The following FNDC3B variants were observed in gnomAD, a reference collection of about 807,000 sequenced individuals.
FNDC3B encodes the protein fibronectin type III domain containing 3B.
Under a neutral mutation model 151.5 loss-of-function variants are expected in FNDC3B, and 12 were observed. That is an observed-to-expected ratio of 0.08 (90% CI 0.05 to 0.13). FNDC3B has a LOEUF of 0.13. Ranked by LOEUF, FNDC3B falls within the 10% of genes least tolerant of loss-of-function variation. FNDC3B has a pLI of 1.00. For synonymous variants in FNDC3B, 528 were observed against 549.0 expected (o/e 0.96, Z 0.54); for missense variants, 1,214 against 1,505.3 (o/e 0.81, Z 3.20).
chr3:172,217,519 A>G (rs1408537281), intron 3 of FNDC3B, among the ~76,000 whole-genome samples: 2 of 151,368 alleles, frequency 1.3e-5, no homozygotes, highest in South Asian at 2.1e-4. Context: ...TTGTTTATGT[A>G]TGTGTTATAA....
rs972574075 is a variant in FNDC3B, at chr3:172,343,096, A to G, written c.2057A>G (p.Lys686Arg). Reference sequence around the variant, plus strand: ...AGGGTTTTGGGTAGACCAAAGCACAAAGAAGTCCACTTAGAGTGGGGTGAG... The same window carrying G: ...AGGGTTTTGGGTAGACCAAAGCACAGAGAAGTCCACTTAGAGTGGGGTGAG... ...PPRVLGRPKHKEVHLEWDVPA... is the reference protein window; with the variant it reads ...PPRVLGRPKHREVHLEWDVPA... The change falls in exon 18 of 26, where the codon AAA becomes AGA. Residue 686 changes from lysine (K) to arginine (R), a missense_variant. Around this residue, in one of 7 missense-constraint regions of FNDC3B, gnomAD observed 380 missense variants for 420.9 expected, o/e 0.90. Transcript: ENST00000415807. 3 of 1,604,740 alleles carry G rather than the reference A, an allele frequency of 1.9e-6. No individual in the cohort carries two copies. Among genetic ancestry groups the G allele is most frequent in the Middle Eastern group, 1.7e-4 (1 of 6,044 alleles).
chr3:172,143,677 G>A (rs931033852), intron 3 of FNDC3B, among the ~76,000 whole-genome samples: 2 of 152,042 alleles, frequency 1.3e-5, no homozygotes. Context: ...TTGGGAGGCC[G>A]AGGCGGGCGG....
At chr3:172,238,651 C>G (rs945471424) in intron 4 of FNDC3B, among the ~76,000 whole-genome samples, 3 of 152,124 alleles carry the variant, frequency 2.0e-5, no homozygotes, top group African/African-American at 7.2e-5. Flanking sequence ...CCTTACGTTT[C>G]AAATCTCTAC....
chr3:172,157,589 C>T (rs1722557917), intron 3 of FNDC3B, among the ~76,000 whole-genome samples: 1 of 152,192 alleles, frequency 6.6e-6, no homozygotes, highest in Admixed American at 6.5e-5. Flanking sequence ...AGTAACCACC[C>T]ATCTGTTCTC....
chr3:172,181,395 C>CAAAAAAA lies in FNDC3B; in HGVS notation c.188-45463_188-45457dup, dbSNP rs755223783. Reference sequence around the variant, plus strand: ...GGGTGCCAGAGTGAGACTCTGTCTCCAAAAAAAAAAAAAAAAAAACAAAAA... The same window carrying CAAAAAAA: ...GGGTGCCAGAGTGAGACTCTGTCTCCAAAAAAAAAAAAAAAAAAAAAAAAAACAAAAA... On this transcript the variant is annotated intron_variant, in intron 3 of 25. Coordinates refer to ENST00000415807, the MANE Select transcript of FNDC3B (RefSeq NM_022763.4). Among the ~76,000 whole-genome samples the CAAAAAAA allele has an allele frequency of 4.3e-4, 31 of 71,524 alleles. 1 individual carries two copies. Among genetic ancestry groups the CAAAAAAA allele is most frequent in the African/African-American group, 1.9e-3 (30 of 16,030 alleles). 46.9% of individuals were successfully genotyped at this position (71,524 alleles called of 152,430 possible). A position where few individuals can be genotyped will look rare whatever the true frequency, so the allele number is the denominator to read the frequency against.
At chr3:172,346,520 C>T in intron 20 of FNDC3B, 80 bp downstream of exon 20, 1 of 791,524 alleles carries the variant, frequency 1.3e-6, no homozygotes, top group Non-Finnish European at 2.1e-6. Context: ...AAGGAAGCTG[C>T]AAATCCAAAA....
intron 2 of FNDC3B, among the ~76,000 whole-genome samples, chr3:172,117,942 A>G (rs1037768531): frequency 1.3e-5 from 2 of 152,236 alleles, no homozygotes; most frequent in South Asian, 4.1e-4. Context: ...ATAATTTATC[A>G]TCTACTTGCC....
chr3:172,093,258 T>C (rs556410799), intron 1 of FNDC3B, among the ~76,000 whole-genome samples: 18 of 150,288 alleles, frequency 1.2e-4, no homozygotes, highest in Non-Finnish European at 2.4e-4. Context: ...CCCACCCAGC[T>C]AATTTTTTTT....
chr3:172,373,578 C>T (rs978213114), intron 23 of FNDC3B, among the ~76,000 whole-genome samples: 2 of 152,140 alleles, frequency 1.3e-5, no homozygotes, highest in Non-Finnish European at 2.9e-5. Context: ...CACAAAAGGC[C>T]TCTGGCTTAC....
intron 1 of FNDC3B, among the ~76,000 whole-genome samples, chr3:172,109,191 A>C (rs1029092256): frequency 2.3e-5 from 3 of 128,384 alleles, no homozygotes; most frequent in African/African-American, 9.6e-5. Context: ...TTTGAGACGG[A>C]GTCTTGCTCT....
intron 7 of FNDC3B, among the ~76,000 whole-genome samples, chr3:172,293,478 A>G (rs1385812252): frequency 6.6e-6 from 1 of 152,218 alleles, no homozygotes; most frequent in African/African-American, 2.4e-5. Flanking sequence ...TTATTCAACA[A>G]ACATTTACTA....
chr3:172,204,976 A>T (rs761834237), intron 3 of FNDC3B, among the ~76,000 whole-genome samples: 2 of 152,188 alleles, frequency 1.3e-5, no homozygotes, highest in Admixed American at 1.3e-4. Flanking sequence ...TTCACTCGGC[A>T]TTGTAGTGGA....
intron 21 of FNDC3B, among the ~76,000 whole-genome samples, chr3:172,349,300 T>A (rs1319298204): frequency 6.6e-6 from 1 of 152,148 alleles, no homozygotes. Context: ...AAATTTATTA[T>A]AATACCTGTA....
chr3:172,216,488 G>A (rs1725981463), intron 3 of FNDC3B, among the ~76,000 whole-genome samples: 1 of 152,016 alleles, frequency 6.6e-6, no homozygotes, highest in African/African-American at 2.4e-5. Context: ...GCAACATTGT[G>A]AGACCACATC....
intron 3 of FNDC3B, among the ~76,000 whole-genome samples, chr3:172,183,767 T>C (rs1306358670): frequency 6.6e-6 from 1 of 152,204 alleles, no homozygotes; most frequent in Non-Finnish European, 1.5e-5. Context: ...CTTTCTCACG[T>C]AGCTTCCCTT....
At chr3:172,160,586 C>T (rs1267824885) in intron 3 of FNDC3B, among the ~76,000 whole-genome samples, 2 of 152,210 alleles carry the variant, frequency 1.3e-5, no homozygotes, top group African/African-American at 2.4e-5. Context: ...GAGAAATTTA[C>T]AGCCAACTGT....
chr3:172,143,829 A>C (rs886890392), intron 3 of FNDC3B, among the ~76,000 whole-genome samples: 8 of 151,982 alleles, frequency 5.3e-5, no homozygotes, highest in Non-Finnish European at 1.2e-4. Flanking sequence ...GAATCGCTTG[A>C]ACCTGGGAGG....
rs148598342 is a variant in FNDC3B at position 172,072,686 on chromosome 3, G to A, written c.-29+32915G>A. 1.4e-4 allele frequency among the ~76,000 whole-genome samples: 22 copies of A among 152,292 alleles called. No individual in the cohort carries two copies. In the South Asian group the frequency reaches 2.1e-3, roughly 14 times the overall value. ...TTCTTGGTCAAGCTTAACATTAGGC[G>A]TGATGATAAGATAGTAAAATGGACT... On this transcript the variant is annotated intron_variant, in intron 1 of 25. Transcript: ENST00000415807.
At chr3:172,239,006 GCTAATATT>G (rs1727320015) in intron 4 of FNDC3B, among the ~76,000 whole-genome samples, 1 of 152,074 alleles carries the variant, frequency 6.6e-6, no homozygotes, top group South Asian at 2.1e-4. Flanking sequence ...ATAATGACGT[GCTAATATT>G]CTTGGCAGAT....
Sources: gnomAD v4.1 joint callset for allele counts (sites outside exome capture counted in the v4.1 genomes callset) on GRCh38, gnomAD v4.1.1 for gene constraint, gnomAD v4.1.1 regional missense constraint, MANE v1.5 for transcripts, NCBI Gene and HGNC (gene_info 2026-07-23, HGNC 2026-07-21) for gene names.